The following VWA8 variants were observed in gnomAD, a reference collection of about 807,000 sequenced individuals.
VWA8 encodes the protein von Willebrand factor A domain-containing protein 8.
VWA8 carries 221 observed loss-of-function variants against 241.5 expected under a neutral mutation model. The ratio of observed to expected loss-of-function variants is 0.91; its 90% CI spans 0.82 to 1.02. VWA8 has a LOEUF of 1.02. Among genes scored for constraint, VWA8 ranks in the 50% least tolerant of loss-of-function variants. The pLI, the probability that VWA8 is intolerant of heterozygous loss-of-function variation, is 0.00. For missense variants in VWA8, 2,322 were observed against 2,328.7 expected, an observed-to-expected ratio of 1.00 and a Z score of 0.06; for synonymous variants, 852 against 827.1, an observed-to-expected ratio of 1.03 and a Z score of -0.52.
At chr13:41,616,662 T>C (rs1355583927) in intron 37 of VWA8, among the ~76,000 whole-genome samples, 1 of 152,254 alleles carries the variant, frequency 6.6e-6, no homozygotes, top group Admixed American at 6.5e-5. Flanking sequence ...AAAATGTTTA[T>C]ATTTGAGGTG....
intron 2 of VWA8, among the ~76,000 whole-genome samples, chr13:41,938,800 AG>A (rs2138149680): frequency 6.6e-6 from 1 of 152,324 alleles, no homozygotes; most frequent in South Asian, 2.1e-4. Flanking sequence ...CTATTAAGTA[AG>A]GGACTCTTAG....
chr13:41,846,370 G>A (rs1361141777), intron 12 of VWA8, among the ~76,000 whole-genome samples: 2 of 152,172 alleles, frequency 1.3e-5, no homozygotes, highest in African/African-American at 4.8e-5. Context: ...GGTAACACAT[G>A]TGAAAGGATG....
intron 9 of VWA8, among the ~76,000 whole-genome samples, chr13:41,874,873 C>T (rs750518177): frequency 3.3e-5 from 5 of 152,088 alleles, no homozygotes; most frequent in Non-Finnish European, 7.4e-5. Context: ...CTGCTCTCCT[C>T]AGAAGTAAAT....
chr13:41,648,291 A>G (rs1162740211), intron 37 of VWA8, among the ~76,000 whole-genome samples: 1 of 152,226 alleles, frequency 6.6e-6, no homozygotes, highest in Admixed American at 6.5e-5. Context: ...TACATTATTT[A>G]TCTGGTTCAG....
intron 40 of VWA8, 101 bp downstream of exon 40, chr13:41,605,067 C>T (rs986625959): frequency 5.5e-6 from 6 of 1,093,744 alleles, no homozygotes; most frequent in East Asian, 2.4e-5. Context: ...GACATTTTTT[C>T]GGACTGGCTA....
chr13:41,878,912 T>A (rs184342447), intron 9 of VWA8, among the ~76,000 whole-genome samples: 2 of 152,308 alleles, frequency 1.3e-5, no homozygotes, highest in African/African-American at 4.8e-5. Flanking sequence ...GATAAAGACC[T>A]TTGTTCATAA....
At chr13:41,907,554 A>C (rs1875778243) in intron 4 of VWA8, 32 bp downstream of exon 4, 2 of 1,586,218 alleles carry the variant, frequency 1.3e-6, no homozygotes. Flanking sequence ...CCTGGAGTAC[A>C]CAGTCATGGG....
rs572128168 is a variant in VWA8, at chr13:41,714,031, C to T, written c.3116+5560G>A. On this transcript the variant is annotated intron_variant, in intron 26 of 44. Transcript: ENST00000379310. ...TTTTCAGTGCATGAAATAACACATACAGTCACAGGAAAAAGTCTAGAAGGA... is the reference window on the plus strand; with the variant it reads ...TTTTCAGTGCATGAAATAACACATATAGTCACAGGAAAAAGTCTAGAAGGA... 3.9e-5 allele frequency among the ~76,000 whole-genome samples: 6 copies of T among 152,076 alleles called. No individual in the cohort carries two copies. The South Asian group carries it at 8.3e-4, about 21-fold the overall frequency.
chr13:41,959,503 A>AAAC (rs1555249179), intron 1 of VWA8, among the ~76,000 whole-genome samples: 18 of 150,978 alleles, frequency 1.2e-4, no homozygotes, highest in Non-Finnish European at 3.0e-5. Context: ...CAAAAAAAAA[A>AAAC]AAAAAAACAA....
At chr13:41,928,653 C>A (rs1322063220) in intron 2 of VWA8, among the ~76,000 whole-genome samples, 3 of 151,896 alleles carry the variant, frequency 2.0e-5, no homozygotes, top group African/African-American at 7.3e-5. Flanking sequence ...AGATTCTGAA[C>A]AGTTGAACGT....
chr13:41,891,110 A>G (rs990661541), intron 5 of VWA8, among the ~76,000 whole-genome samples: 8 of 151,894 alleles, frequency 5.3e-5, no homozygotes, highest in African/African-American at 1.7e-4. Flanking sequence ...AGAGAAAGAA[A>G]GGGGGGAAAA....
At chr13:41,913,128 GA>G (rs1022094290) in intron 2 of VWA8, among the ~76,000 whole-genome samples, 14 of 151,224 alleles carry the variant, frequency 9.3e-5, no homozygotes, top group Admixed American at 2.0e-4. Flanking sequence ...AATATTGAGT[GA>G]AAAAAAATAA....
intron 20 of VWA8, among the ~76,000 whole-genome samples, chr13:41,771,590 T>C (rs553246558): frequency 2.0e-5 from 3 of 152,294 alleles, no homozygotes; most frequent in African/African-American, 7.2e-5. Flanking sequence ...TTATTATTTT[T>C]ATTTTTGAGA....
chr13:41,896,181 C>A (rs964067301), intron 4 of VWA8, among the ~76,000 whole-genome samples: 11 of 152,150 alleles, frequency 7.2e-5, no homozygotes, highest in Admixed American at 5.9e-4. Flanking sequence ...TGATATAACT[C>A]TCTCGCACTG....
At chr13:41,927,036 T>C in intron 2 of VWA8, 1 of 390,324 alleles carries the variant, frequency 2.6e-6, no homozygotes, top group South Asian at 2.1e-5. Flanking sequence ...TCCAAGCACT[T>C]TGAGCTGCTT....
At chr13:41,868,969 C>T (rs1873456421) in intron 9 of VWA8, among the ~76,000 whole-genome samples, 1 of 147,998 alleles carries the variant, frequency 6.8e-6, no homozygotes, top group Non-Finnish European at 1.5e-5. Context: ...CCTACTAATA[C>T]CATTCTACTT....
chr13:41,698,057 C>A (rs976060744), intron 29 of VWA8, among the ~76,000 whole-genome samples: 1 of 152,114 alleles, frequency 6.6e-6, no homozygotes, highest in East Asian at 1.9e-4. Flanking sequence ...ATCCCCCTTT[C>A]AATTAGACAA....
rs772455132 is a variant in VWA8 at position 41,883,495 on chromosome 13, T to C, written c.976-4A>G. 3.1e-6 allele frequency: 5 copies of C among 1,604,552 alleles called. No homozygotes were observed. Among genetic ancestry groups the C allele is most frequent in the East Asian group, 2.2e-5 (1 of 44,800 alleles). ...TTGGCATCATAGGAAAGGAATCCTA[T>C]GTAGGAGCAAAAATACATAGGAATG... On this transcript the variant is annotated splice_polypyrimidine_tract_variant and splice_region_variant and intron_variant, in intron 8 of 44. Coordinates refer to ENST00000379310, the MANE Select transcript of VWA8 (RefSeq NM_015058.2).
chr13:41,955,343 T>C (rs1365281445), intron 1 of VWA8, among the ~76,000 whole-genome samples: 1 of 152,232 alleles, frequency 6.6e-6, no homozygotes, highest in Admixed American at 6.5e-5. Context: ...TGAACCTTGC[T>C]GGATTTCTGA....
Sources: gnomAD v4.1 joint callset for allele counts (sites outside exome capture counted in the v4.1 genomes callset) on GRCh38, gnomAD v4.1.1 for gene constraint, MANE v1.5 for transcripts, NCBI Gene and HGNC (gene_info 2026-07-23, HGNC 2026-07-21) for gene names.